Variants in PHIP observed in about 807,000 individuals in gnomAD.
PHIP encodes PH-interacting protein.
In PHIP, 54 loss-of-function variants were observed where a neutral mutation model predicts 236.8. That is an observed-to-expected ratio of 0.23 (90% CI 0.18 to 0.29). The LOEUF (loss-of-function observed/expected upper bound fraction) is 0.29. Ranked by LOEUF, PHIP falls within the 10% of genes least tolerant of loss-of-function variation. PHIP has a pLI of 1.00. For synonymous variants in PHIP, 756 were observed against 718.9 expected, an observed-to-expected ratio of 1.05 and a Z score of -0.83; for missense variants, 1,370 against 2,190.8, an observed-to-expected ratio of 0.63 and a Z score of 7.48.
intron 35 of PHIP, among the ~76,000 whole-genome samples, chr6:78,953,186 C>T (rs911293484): frequency 1.3e-5 from 2 of 152,018 alleles, no homozygotes; most frequent in Non-Finnish European, 2.9e-5. Flanking sequence ...GACACTAGAA[C>T]CACTGGGGGA....
intron 24 of PHIP, among the ~76,000 whole-genome samples, chr6:78,975,476 C>T (rs991679580): frequency 5.3e-5 from 8 of 152,184 alleles, no homozygotes; most frequent in South Asian, 2.1e-4. Context: ...GACAGGGATG[C>T]TCTCTCTCAC....
Position 78,954,194 on chromosome 6 carries a change from C to T in PHIP, c.4053+620G>A, listed in dbSNP as rs561956258. Among the ~76,000 whole-genome samples, 17 of 151,850 alleles carry T rather than the reference C, an allele frequency of 1.1e-4. No individual in the cohort carries two copies. In the South Asian group the frequency reaches 2.5e-3, roughly 22 times the overall value. ...TCGGCTCACTGCAAGCTCCACCTCC[C>T]GGGTTCACGCCATTCTCCTGCCTCA... On this transcript the variant is annotated intron_variant, in intron 35 of 39. Coordinates refer to ENST00000275034, the MANE Select transcript of PHIP (RefSeq NM_017934.7).
intron 39 of PHIP, among the ~76,000 whole-genome samples, chr6:78,943,757 G>A (rs1773637071): frequency 2.0e-5 from 3 of 151,970 alleles, no homozygotes; most frequent in South Asian, 4.1e-4. Flanking sequence ...GAGGCCGAGT[G>A]GGGTGGATCA....
At chr6:79,012,050 C>T (rs959505366) in intron 15 of PHIP, among the ~76,000 whole-genome samples, 1 of 151,452 alleles carries the variant, frequency 6.6e-6, no homozygotes, top group African/African-American at 2.4e-5. Flanking sequence ...GGCTTTTTAA[C>T]ATAACAGGAT....
At chr6:79,015,534 T>C in intron 14 of PHIP, 96 bp downstream of exon 14, 1 of 944,030 alleles carries the variant, frequency 1.1e-6, no homozygotes, top group African/African-American at 1.7e-5. Context: ...AAGCAAGAGT[T>C]TTTAGCTAAC....
chr6:79,037,130 C>A (rs1771979308), intron 7 of PHIP, among the ~76,000 whole-genome samples: 1 of 152,042 alleles, frequency 6.6e-6, no homozygotes, highest in African/African-American at 2.4e-5. Flanking sequence ...CAACAATGTT[C>A]TCTTTTCCTT....
At chr6:79,009,830 C>A (rs1313305066) in intron 15 of PHIP, among the ~76,000 whole-genome samples, 3 of 151,912 alleles carry the variant, frequency 2.0e-5, no homozygotes, top group Admixed American at 1.3e-4. Context: ...AACTCACATT[C>A]ATGGCAACAG....
chr6:79,024,527 G>A (rs113248032), intron 9 of PHIP, among the ~76,000 whole-genome samples: 4,710 of 152,232 alleles, frequency 0.031, 130 homozygotes, highest in Non-Finnish European at 0.048. Context: ...TATAGAGGCT[G>A]GGCACGGTGG....
rs186077508 is a variant in PHIP at position 79,047,338 on chromosome 6, C to G, written c.440-4335G>C. On this transcript the variant is annotated intron_variant, in intron 6 of 39. Transcript: ENST00000275034. ...AGTCAAATTCCCCCATAAGTCACTTCTTACTTCACACCTAGTTATTTTTCG... is the reference window on the plus strand; with the variant it reads ...AGTCAAATTCCCCCATAAGTCACTTGTTACTTCACACCTAGTTATTTTTCG... Among the ~76,000 whole-genome samples the G allele has an allele frequency of 6.3e-3, 962 of 152,274 alleles. 19 individuals are homozygous for G. Among genetic ancestry groups the G allele is most frequent in the African/African-American group, 0.022 (906 of 41,542 alleles).
At chr6:79,040,614 C>T (rs1417829829) in intron 7 of PHIP, among the ~76,000 whole-genome samples, 1 of 152,022 alleles carries the variant, frequency 6.6e-6, no homozygotes, top group Admixed American at 6.6e-5. Context: ...GACTAGTTAG[C>T]GTCTAGTCTG....
rs939438240 is a variant in PHIP at position 78,936,100 on chromosome 6, T to A, written c.*4593A>T. On this transcript the variant is annotated 3_prime_UTR_variant, in exon 40 of 40. Coordinates refer to ENST00000275034, the MANE Select transcript of PHIP (RefSeq NM_017934.7). ...GAAACTGCTGTTTATAATATGATAC[T>A]CCAGGTTCGGAAGGAAAAAAACAAA... is the stretch of plus-strand genomic sequence containing the variant. The A allele has an allele frequency of 5.3e-5, 8 of 151,924 alleles. No homozygotes were observed. The highest frequency in any genetic ancestry group is 1.3e-4 in the Admixed American group (2 of 15,240). The allele number at this position is 151,924 out of a possible 1,614,324, so 9.4% of individuals were successfully genotyped here.
intron 15 of PHIP, among the ~76,000 whole-genome samples, chr6:79,008,984 T>C (rs1770437599): frequency 6.6e-6 from 1 of 152,076 alleles, no homozygotes; most frequent in African/African-American, 2.4e-5. Context: ...AAACACCAAG[T>C]CATTTATGTA....
At chr6:78,955,573 G>T in intron 33 of PHIP, 40 bp downstream of exon 33, 1 of 682,396 alleles carries the variant, frequency 1.5e-6, no homozygotes, top group South Asian at 1.9e-5. Flanking sequence ...TTTTTATATA[G>T]AGAATATCAA....
intron 15 of PHIP, among the ~76,000 whole-genome samples, chr6:79,006,142 C>G (rs1172662823): frequency 1.3e-5 from 2 of 151,830 alleles, no homozygotes; most frequent in African/African-American, 4.8e-5. Context: ...TTGGATTAAC[C>G]ATTTGTTTAC....
chr6:78,976,059 A>G (rs1254737116), intron 24 of PHIP, among the ~76,000 whole-genome samples: 1 of 152,026 alleles, frequency 6.6e-6, no homozygotes, highest in Non-Finnish European at 1.5e-5. Flanking sequence ...AAGGGCCCGC[A>G]TTGCCAAGTC....
intron 9 of PHIP, 133 bp from the exon 10 acceptor site, chr6:79,019,292 T>C (rs1408130045): frequency 4.8e-6 from 3 of 626,704 alleles, no homozygotes; most frequent in African/African-American, 1.8e-5. Flanking sequence ...AAAAACAACT[T>C]AGAAATCATT....
intron 29 of PHIP, among the ~76,000 whole-genome samples, chr6:78,963,504 C>G (rs1766929237): frequency 6.6e-6 from 1 of 152,028 alleles, no homozygotes; most frequent in Admixed American, 6.6e-5. Flanking sequence ...GCTCTGTAAT[C>G]AAGTACATGT....
rs192244789 is a variant in PHIP at position 78,945,184 on chromosome 6, A to T, written c.4828+116T>A. On this transcript the variant is annotated intron_variant, in intron 39 of 39. Coordinates refer to ENST00000275034, the MANE Select transcript of PHIP (RefSeq NM_017934.7). ...TTGCAGTAAATTTATCAACTAATAC[A>T]GATGTGTGACTTTTAAGTGGGCAAC... The T allele has an allele frequency of 4.5e-4, 331 of 727,854 alleles. No homozygotes were observed. In the Middle Eastern group the frequency reaches 0.015, roughly 34 times the overall value. The allele number at this position is 727,854 out of a possible 1,614,324, so 45.1% of individuals were successfully genotyped here.
chr6:78,993,432 G>C (rs186485588), intron 19 of PHIP, among the ~76,000 whole-genome samples: 2 of 151,802 alleles, frequency 1.3e-5, no homozygotes, highest in Non-Finnish European at 2.9e-5. Context: ...CACAGCTAGA[G>C]AGAAGTAAGG....
Sources: allele counts gnomAD v4.1 joint callset (sites outside exome capture counted in the v4.1 genomes callset), GRCh38; gene constraint gnomAD v4.1.1; transcripts MANE v1.5; gene names NCBI Gene and HGNC (gene_info 2026-07-23, HGNC 2026-07-21).